The following CRIM1 variants were observed in gnomAD, a reference collection of about 807,000 sequenced individuals.
CRIM1 encodes the protein cysteine-rich motor neuron 1 protein.
Under a neutral mutation model 116.4 loss-of-function variants are expected in CRIM1, and 32 were observed. The observed-to-expected ratio is 0.27, with a 90% CI of 0.21 to 0.37. The LOEUF is 0.37. CRIM1 is among the 10% of genes least tolerant of loss of function. CRIM1 has a pLI of 1.00. For synonymous variants in CRIM1, 590 were observed against 509.2 expected, an observed-to-expected ratio of 1.16 and a Z score of -2.13; for missense variants, 1,331 against 1,354.8, an observed-to-expected ratio of 0.98 and a Z score of 0.28.
chr2:36,378,804 C>CG (rs199667968), intron 1 of CRIM1: 8 of 102,158 alleles, frequency 7.8e-5, no homozygotes, highest in South Asian at 3.4e-4. Flanking sequence ...TTGTTGTTTT[C>CG]GGTTTTTTTT....
intron 16 of CRIM1, among the ~76,000 whole-genome samples, chr2:36,547,567 T>C (rs1175784556): frequency 3.3e-5 from 5 of 152,144 alleles, no homozygotes; most frequent in Non-Finnish European, 7.4e-5. Flanking sequence ...CCCAAAGGGA[T>C]GGAGATAATA....
intron 2 of CRIM1, among the ~76,000 whole-genome samples, chr2:36,433,224 G>A (rs1675033196): frequency 6.6e-6 from 1 of 151,964 alleles, no homozygotes; most frequent in Non-Finnish European, 1.5e-5. Context: ...TGCATTTCCA[G>A]CAAGCTCCCA....
At chr2:36,406,326 A>G (rs892775783) in intron 2 of CRIM1, among the ~76,000 whole-genome samples, 7 of 152,124 alleles carry the variant, frequency 4.6e-5, no homozygotes, top group African/African-American at 1.7e-4. Flanking sequence ...AGTTTAAGGG[A>G]AAGGATTTTG....
chr2:36,390,812 T>G (rs1224950790), intron 1 of CRIM1, among the ~76,000 whole-genome samples: 1 of 152,036 alleles, frequency 6.6e-6, no homozygotes, highest in African/African-American at 2.4e-5. Context: ...ATACTTATTT[T>G]TATTTATTTA....
chr2:36,391,403 C>T (rs1335566408), intron 1 of CRIM1, among the ~76,000 whole-genome samples: 1 of 152,042 alleles, frequency 6.6e-6, no homozygotes, highest in Non-Finnish European at 1.5e-5. Flanking sequence ...GCTGAGATTA[C>T]AAGCGTGAGC....
At chr2:36,383,175 AG>A (rs1670914146) in intron 1 of CRIM1, among the ~76,000 whole-genome samples, 3 of 152,216 alleles carry the variant, frequency 2.0e-5, no homozygotes, top group Admixed American at 2.0e-4. Context: ...ATGTGGAAAA[AG>A]GACTGAGTGA....
chr2:36,512,913 C>G (rs1285274097), intron 10 of CRIM1, among the ~76,000 whole-genome samples: 1 of 152,162 alleles, frequency 6.6e-6, no homozygotes, highest in African/African-American at 2.4e-5. Context: ...GAGGCTTCTC[C>G]AGGGAGCTTC....
intron 16 of CRIM1, 81 bp from the exon 17 acceptor site, chr2:36,548,444 T>G: frequency 9.9e-7 from 1 of 1,008,378 alleles, no homozygotes; most frequent in Admixed American, 2.7e-5. Context: ...CTCACCTGAG[T>G]TAGGTACTAA....
At chr2:36,391,732 T>G (rs1360598795) in intron 1 of CRIM1, among the ~76,000 whole-genome samples, 1 of 151,762 alleles carries the variant, frequency 6.6e-6, no homozygotes, top group Non-Finnish European at 1.5e-5. Context: ...AGGTCAAAAC[T>G]AATTCCATAA....
At chr2:36,462,018 T>C (rs1242348916) in intron 4 of CRIM1, among the ~76,000 whole-genome samples, 1 of 152,166 alleles carries the variant, frequency 6.6e-6, no homozygotes, top group Non-Finnish European at 1.5e-5. Context: ...CAGAAGGCTT[T>C]GCAGGGAAGG....
chr2:36,547,060 C>T lies in CRIM1; in HGVS notation c.2823C>T (p.Ala941=). The T allele has an allele frequency of 2.5e-6, 4 of 1,612,068 alleles. No homozygotes were observed. The highest frequency in any genetic ancestry group is 3.4e-6 in the Non-Finnish European group (4 of 1,178,348). Residue 941 remains alanine, a synonymous_variant, in exon 16 of 17, where the codon GCC becomes GCT. Coordinates refer to ENST00000280527, the MANE Select transcript of CRIM1 (RefSeq NM_016441.3). The part of the protein sequence containing the change: ...PSEDSSLDSI[A]SVVVPIIICL... ...AAGATTCTTCACTGGACTCCATTGC[C>T]TCAGTTGTGGTTCCCATAATTATAT...
chr2:36,485,934 A>C (rs2125059451), intron 7 of CRIM1, among the ~76,000 whole-genome samples: 1 of 152,382 alleles, frequency 6.6e-6, no homozygotes, highest in Non-Finnish European at 1.5e-5. Flanking sequence ...AATATAACAC[A>C]GTCTATTTTT....
intron 13 of CRIM1, among the ~76,000 whole-genome samples, chr2:36,532,328 T>A (rs1362297751): frequency 6.6e-6 from 1 of 152,196 alleles, no homozygotes. Flanking sequence ...TATGTTAGTG[T>A]CATACCTCAT....
intron 12 of CRIM1, among the ~76,000 whole-genome samples, chr2:36,520,862 GT>G (rs1422419292): frequency 6.6e-6 from 1 of 152,188 alleles, no homozygotes; most frequent in Non-Finnish European, 1.5e-5. Flanking sequence ...TGTCTCAGTT[GT>G]TTCTGGTTCT....
chr2:36,366,052 T>G (rs1366413035), intron 1 of CRIM1, among the ~76,000 whole-genome samples: 2 of 152,238 alleles, frequency 1.3e-5, no homozygotes, highest in Non-Finnish European at 2.9e-5. Context: ...TAACTGTGAC[T>G]CTTTCCTTTG....
intron 8 of CRIM1, among the ~76,000 whole-genome samples, chr2:36,503,128 G>C (rs909602520): frequency 2.0e-5 from 3 of 152,176 alleles, no homozygotes; most frequent in African/African-American, 7.2e-5. Context: ...TGGGATGTCA[G>C]TCAAATCAAA....
Position 36,460,978 on chromosome 2 carries a change from T to C in CRIM1, c.870-3556T>C, listed in dbSNP as rs527934463. Among the ~76,000 whole-genome samples, 14 of 152,218 alleles carry C rather than the reference T, an allele frequency of 9.2e-5. No individual in the cohort carries two copies. In the South Asian group the frequency reaches 2.1e-3, roughly 23 times the overall value. On this transcript the variant is annotated intron_variant, in intron 4 of 16. Coordinates refer to ENST00000280527, the MANE Select transcript of CRIM1 (RefSeq NM_016441.3). ...GCAGAGACAGCAAAGTGCGGACTTA[T>C]TTGGAGAAAAGAGCATGACCGTAGC...
intron 1 of CRIM1, among the ~76,000 whole-genome samples, chr2:36,372,405 CTTTG>C (rs1422260413): frequency 4.6e-5 from 7 of 152,080 alleles, no homozygotes; most frequent in Middle Eastern, 3.4e-3. Context: ...GTTATAAGTT[CTTTG>C]TTTGTTTTTC....
chr2:36,495,149 A>G (rs1051582082), intron 7 of CRIM1, among the ~76,000 whole-genome samples: 12 of 152,170 alleles, frequency 7.9e-5, no homozygotes, highest in Admixed American at 7.2e-4. Flanking sequence ...TGTTCAATTG[A>G]ACTTTGTTTA....
Sources: gnomAD v4.1 joint callset for allele counts (sites outside exome capture counted in the v4.1 genomes callset) on GRCh38, gnomAD v4.1.1 for gene constraint, MANE v1.5 for transcripts, NCBI Gene and HGNC (gene_info 2026-07-23, HGNC 2026-07-21) for gene names.